The following CD200R1L variants were observed in gnomAD, a reference collection of about 807,000 sequenced individuals.
The protein encoded by CD200R1L is cell surface glycoprotein CD200 receptor 2.
CD200R1L carries 14 observed loss-of-function variants against 24.8 expected under a neutral mutation model. The observed-to-expected ratio is 0.56, with a 90% CI of 0.37 to 0.88. The LOEUF (loss-of-function observed/expected upper bound fraction) is 0.88. Among genes scored for constraint, CD200R1L ranks in the 40% least tolerant of loss-of-function variants. The pLI is 0.00. For missense variants in CD200R1L, 299 were observed against 297.8 expected (o/e 1.00, Z -0.03); for synonymous variants, 111 against 109.2 (o/e 1.02, Z -0.11).
chr3:112,816,410 G>A (rs907333887), intron 7 of CD200R1L, among the ~76,000 whole-genome samples: 2 of 152,168 alleles, frequency 1.3e-5, no homozygotes, highest in African/African-American at 4.8e-5. Context: ...AGAACTTCTT[G>A]AGACCTGTGC....
Position 112,845,737 on chromosome 3 carries a change from A to G in CD200R1L, c.-145T>C. On this transcript the variant is annotated 5_prime_UTR_variant, in exon 2 of 8. Transcript: ENST00000488794. Reference sequence around the variant, plus strand: ...TTGGAGCTGACATCTTCCCTAAAGTATGCTTTTGGAGTGGTTTTCTACTTA... The same window carrying G: ...TTGGAGCTGACATCTTCCCTAAAGTGTGCTTTTGGAGTGGTTTTCTACTTA... 2.5e-6 allele frequency: 4 copies of G among 1,611,378 alleles called. No individual in the cohort carries two copies. The highest frequency in any genetic ancestry group is 3.4e-6 in the Non-Finnish European group (4 of 1,177,880).
chr3:112,825,993 T>C (rs899680297), intron 6 of CD200R1L, among the ~76,000 whole-genome samples: 1 of 152,134 alleles, frequency 6.6e-6, no homozygotes, highest in Non-Finnish European at 1.5e-5. Context: ...GTGATAAATA[T>C]GCTCTAAAAT....
chr3:112,838,493 A>C (rs1021753337), intron 2 of CD200R1L, among the ~76,000 whole-genome samples: 7 of 151,856 alleles, frequency 4.6e-5, no homozygotes, highest in Admixed American at 3.3e-4. Context: ...AACAAACAAA[A>C]AAAAACGGTA....
Position 112,827,652 on chromosome 3 carries a change from T to C in CD200R1L, c.82A>G (p.Asn28Asp). 6.2e-7 allele frequency: 1 copy of C among 1,613,864 alleles called. No homozygotes were observed. The highest frequency in any genetic ancestry group is 8.5e-7 in the Non-Finnish European group (1 of 1,179,844). The change falls in exon 5 of 8, where the codon AAT becomes GAT. Residue 28 changes from asparagine (N) to aspartate (D), a missense_variant. Transcript: ENST00000488794. Reference protein sequence around the residue: ...NISQPVLMDINAVLCCPPIAL... With the variant: ...NISQPVLMDIDAVLCCPPIAL... ...ATAGGAGGGCAACAAAGCACAGCAT[T>C]TATATCCATCAGTACAGGCTGTGAA...
intron 3 of CD200R1L, among the ~76,000 whole-genome samples, chr3:112,832,819 T>C (rs759225582): frequency 1.2e-4 from 19 of 152,198 alleles, no homozygotes; most frequent in Admixed American, 6.5e-5. Flanking sequence ...GTAGAGAGTA[T>C]ATAAATATGG....
At chr3:112,819,294 G>A (rs1201641355) in intron 7 of CD200R1L, among the ~76,000 whole-genome samples, 1 of 152,170 alleles carries the variant, frequency 6.6e-6, no homozygotes. Context: ...AAGAAGTTAA[G>A]CTAGACTTTG....
At chr3:112,837,661 G>A (rs2107349637) in intron 3 of CD200R1L, among the ~76,000 whole-genome samples, 1 of 152,324 alleles carries the variant, frequency 6.6e-6, no homozygotes, top group Middle Eastern at 3.4e-3. Context: ...ATATAATTCT[G>A]TATCCTTGTC....
intron 3 of CD200R1L, among the ~76,000 whole-genome samples, chr3:112,830,138 TTAACA>T (rs1312596513): frequency 6.6e-6 from 1 of 152,212 alleles, no homozygotes; most frequent in East Asian, 1.9e-4. Context: ...TGCTTCAATC[TTAACA>T]TAAAGAATAT....
Position 112,815,955 on chromosome 3 carries a change from C to T in CD200R1L, c.*8G>A, listed in dbSNP as rs1938378246. ...GAGGAGAAGCAAAAGAAGACCCTTC[C>T]TTCTTCTTTAAAGAACTTTTCTGAA... On this transcript the variant is annotated 3_prime_UTR_variant, in exon 8 of 8. Transcript: ENST00000488794. The T allele has an allele frequency of 2.6e-6, 2 of 780,376 alleles. No individual in the cohort carries two copies. Among genetic ancestry groups the T allele is most frequent in the East Asian group, 2.4e-5 (1 of 41,234 alleles). The allele number at this position is 780,376 out of a possible 1,614,324, so 48.3% of individuals were successfully genotyped here. A position where few individuals can be genotyped will look rare whatever the true frequency, so the allele number is the denominator to read the frequency against.
Position 112,819,833 on chromosome 3 carries a change from G to C in CD200R1L, c.679C>G (p.Leu227Val), listed in dbSNP as rs775739231. Residue 227 changes from leucine to valine, a missense_variant, in exon 7 of 8, where the codon CTT becomes GTT. By Grantham distance (32) the Leu-to-Val change is conservative. Transcript: ENST00000488794. ...LLIILYVKLS[L>V]FVVILVTTGF... is the part of the protein sequence containing the mutation. ...GTGGTGACCAGAATGACCACAAAAA[G>C]AGAGAGTTTCACATAAAGAATGATC... The C allele has an allele frequency of 4.3e-6, 7 of 1,610,692 alleles. No homozygotes were observed. In the East Asian group the frequency reaches 1.3e-4, roughly 31 times the overall value.
intron 3 of CD200R1L, among the ~76,000 whole-genome samples, chr3:112,837,390 G>A (rs778417965): frequency 9.9e-5 from 15 of 151,814 alleles, no homozygotes; most frequent in Non-Finnish European, 1.6e-4. Flanking sequence ...ACTTCCTTCC[G>A]CCATTTGAGT....
At chr3:112,820,938 T>TCTC (rs986540918) in intron 6 of CD200R1L, among the ~76,000 whole-genome samples, 3 of 151,350 alleles carry the variant, frequency 2.0e-5, no homozygotes, top group Non-Finnish European at 4.4e-5. Flanking sequence ...GGGCCTATAA[T>TCTC]CTCAGCTACT....
chr3:112,825,229 ACT>A (rs1220577274), intron 6 of CD200R1L, among the ~76,000 whole-genome samples: 3 of 149,746 alleles, frequency 2.0e-5, no homozygotes, highest in Non-Finnish European at 4.4e-5. Context: ...ACAGAGCGAG[ACT>A]CTGTCTCAAA....
rs138348182 is a variant in CD200R1L at position 112,831,471 on chromosome 3, A to G, written c.-17-2087T>C. 7.2e-5 allele frequency among the ~76,000 whole-genome samples: 11 copies of G among 152,332 alleles called. No individual in the cohort carries two copies. The East Asian group carries it at 2.1e-3, about 29-fold the overall frequency. On this transcript the variant is annotated intron_variant, in intron 3 of 7. Coordinates refer to ENST00000488794, the MANE Select transcript of CD200R1L (RefSeq NM_001199215.3). ...CAGCTTGGTGCCTCTTATAGGTTGA[A>G]TTGTATATCTGAAAATTTACATGTT...
At chr3:112,818,444 C>T (rs1294967876) in intron 7 of CD200R1L, among the ~76,000 whole-genome samples, 1 of 152,198 alleles carries the variant, frequency 6.6e-6, no homozygotes, top group Non-Finnish European at 1.5e-5. Context: ...ACAATTTCTG[C>T]TAAAATGCAA....
At position 112,846,699 on chromosome 3, in the gene CD200R1L, A is replaced by T. The variant is rs1334870269; in HGVS notation, c.-433T>A. ...TTAAGATGTGGCCATGCTGAAATAG[A>T]TTGGTCCCTAATCCAATATGACTGG... On this transcript the variant is annotated 5_prime_UTR_variant, in exon 1 of 8. Transcript: ENST00000488794. 6.6e-6 allele frequency: 1 copy of T among 152,216 alleles called. No homozygotes were observed. Among genetic ancestry groups the T allele is most frequent in the Non-Finnish European group, 1.5e-5 (1 of 68,028 alleles). The allele number at this position is 152,216 out of a possible 1,614,324, so 9.4% of individuals were successfully genotyped here.
At chr3:112,843,833 G>A (rs1939136469) in intron 2 of CD200R1L, among the ~76,000 whole-genome samples, 1 of 151,918 alleles carries the variant, frequency 6.6e-6, no homozygotes, top group South Asian at 2.1e-4. Context: ...AACACACACA[G>A]GCTGAAAGTA....
intron 3 of CD200R1L, among the ~76,000 whole-genome samples, chr3:112,836,327 A>G (rs1938944507): frequency 6.6e-6 from 1 of 152,238 alleles, no homozygotes; most frequent in East Asian, 1.9e-4. Flanking sequence ...AGGACTGCAG[A>G]ATAGGACATC....
intron 3 of CD200R1L, among the ~76,000 whole-genome samples, chr3:112,835,405 A>G (rs1405934869): frequency 6.6e-6 from 1 of 152,180 alleles, no homozygotes; most frequent in Non-Finnish European, 1.5e-5. Flanking sequence ...AGGTTGTCCC[A>G]TTATCTACTC....
Sources: gnomAD v4.1 joint callset for allele counts (sites outside exome capture counted in the v4.1 genomes callset) on GRCh38, gnomAD v4.1.1 for gene constraint, MANE v1.5 for transcripts, NCBI Gene and HGNC (gene_info 2026-07-23, HGNC 2026-07-21) for gene names.